The following LINGO1 variants were observed in gnomAD, a reference collection of about 807,000 sequenced individuals.
LINGO1 encodes the protein leucine rich repeat and Ig domain containing 1.
Under a neutral mutation model 37.3 loss-of-function variants are expected in LINGO1, and 11 were observed. The ratio of observed to expected loss-of-function variants is 0.29; its 90% CI spans 0.19 to 0.49. The LOEUF is 0.49. LINGO1 is among the 20% of genes least tolerant of loss of function. The pLI, the probability that LINGO1 is intolerant of heterozygous loss-of-function variation, is 0.99. For synonymous variants in LINGO1, 387 were observed against 403.0 expected, an observed-to-expected ratio of 0.96 and a Z score of 0.48; for missense variants, 585 against 878.2, an observed-to-expected ratio of 0.67 and a Z score of 4.22.
chr15:77,662,632 G>T (rs559592886), intron 3 of LINGO1, among the ~76,000 whole-genome samples: 1 of 152,146 alleles, frequency 6.6e-6, no homozygotes, highest in Admixed American at 6.5e-5. Flanking sequence ...TCCATGAAGG[G>T]CTGGTGGGTG....
chr15:77,711,900 G>T (rs74025396), intron 2 of LINGO1, among the ~76,000 whole-genome samples: 2,931 of 152,084 alleles, frequency 0.019, 102 homozygotes, highest in African/African-American at 0.068. Context: ...GGCACACAGC[G>T]ACATTCTGCA....
chr15:77,744,661 G>A (rs142313612), intron 1 of LINGO1, among the ~76,000 whole-genome samples: 5 of 152,348 alleles, frequency 3.3e-5, no homozygotes, highest in African/African-American at 4.8e-5. Context: ...TGTGAGCTAG[G>A]TTCTATCAGT....
At chr15:77,805,525 G>A (rs149130625) in intron 1 of LINGO1, among the ~76,000 whole-genome samples, 31 of 152,364 alleles carry the variant, frequency 2.0e-4, no homozygotes, top group Non-Finnish European at 3.8e-4. Flanking sequence ...GCAGGGCAGA[G>A]ACTGTGGCCT....
intron 3 of LINGO1, among the ~76,000 whole-genome samples, chr15:77,645,865 G>A (rs1217524369): frequency 1.3e-5 from 2 of 152,250 alleles, no homozygotes; most frequent in Admixed American, 6.5e-5. Flanking sequence ...TCACGAAGGG[G>A]ACAGCCCAGG....
intron 2 of LINGO1, among the ~76,000 whole-genome samples, chr15:77,689,129 G>A (rs558852308): frequency 1.1e-3 from 168 of 152,320 alleles, no homozygotes; most frequent in African/African-American, 3.8e-3. Flanking sequence ...AACAGGAACC[G>A]CAGGTGAAGG....
intron 1 of LINGO1, among the ~76,000 whole-genome samples, chr15:77,761,093 A>ATT (rs111468790): frequency 1.1e-4 from 16 of 140,702 alleles, no homozygotes; most frequent in African/African-American, 3.9e-4. Flanking sequence ...TGCCTGGCTA[A>ATT]TTTTTTTTTT....
At chr15:77,669,459 G>A (rs1409883772) in intron 3 of LINGO1, among the ~76,000 whole-genome samples, 1 of 152,202 alleles carries the variant, frequency 6.6e-6, no homozygotes, top group Non-Finnish European at 1.5e-5. Flanking sequence ...GTGAATGGCA[G>A]GGAAAACCGA....
chr15:77,715,662 A>G (rs1177679612), intron 2 of LINGO1, among the ~76,000 whole-genome samples: 3 of 152,234 alleles, frequency 2.0e-5, no homozygotes, highest in Non-Finnish European at 4.4e-5. Flanking sequence ...GTAGGTGCCT[A>G]CTAAACACTA....
intron 3 of LINGO1, among the ~76,000 whole-genome samples, chr15:77,647,105 G>T (rs890779062): frequency 6.6e-6 from 1 of 151,976 alleles, no homozygotes; most frequent in Non-Finnish European, 1.5e-5. Context: ...AGTGTGGGGT[G>T]GGGGGCTTGG....
intron 3 of LINGO1, among the ~76,000 whole-genome samples, chr15:77,640,176 ACACT>A (rs760265397): frequency 2.0e-5 from 3 of 152,220 alleles, no homozygotes; most frequent in East Asian, 1.9e-4. Context: ...GACTTGGGAG[ACACT>A]CACTCCTTTC....
At chr15:77,649,294 C>T (rs961877785) in intron 3 of LINGO1, 7 of 152,142 alleles carry the variant, frequency 4.6e-5, no homozygotes, top group Admixed American at 6.5e-5. Flanking sequence ...TGGGTGGTGA[C>T]GCCTGTATAC....
At chr15:77,672,000 G>GCCTCCTCCTCCTCCTCCTCCTCCT (rs10559337) in intron 3 of LINGO1, among the ~76,000 whole-genome samples, 42 of 145,642 alleles carry the variant, frequency 2.9e-4, no homozygotes, top group African/African-American at 1.1e-3. Flanking sequence ...ATGAGCCTCT[G>GCCTCCTCCTCCTCCTCCTCCTCCT]CCTCCTCCTC....
intron 2 of LINGO1, among the ~76,000 whole-genome samples, chr15:77,720,139 C>T (rs1174214245): frequency 7.2e-6 from 1 of 138,712 alleles, no homozygotes; most frequent in African/African-American, 2.5e-5. Flanking sequence ...CTACCACCAG[C>T]CCCACCCCAC....
At chr15:77,743,754 G>A (rs985461895) in intron 1 of LINGO1, among the ~76,000 whole-genome samples, 2 of 152,004 alleles carry the variant, frequency 1.3e-5, no homozygotes, top group Non-Finnish European at 2.9e-5. Flanking sequence ...TGCCTCCTAG[G>A]GAGAGGCAGG....
chr15:77,747,389 G>A (rs1162053539), intron 1 of LINGO1, among the ~76,000 whole-genome samples: 1 of 152,182 alleles, frequency 6.6e-6, no homozygotes, highest in Non-Finnish European at 1.5e-5. Context: ...AGCTCAGCAT[G>A]CCCAGGGACT....
At chr15:77,818,729 G>A (rs1186361705) in intron 1 of LINGO1, among the ~76,000 whole-genome samples, 3 of 152,088 alleles carry the variant, frequency 2.0e-5, no homozygotes, top group Non-Finnish European at 4.4e-5. Flanking sequence ...AGCTGTCCCC[G>A]CGCGGTCCTG....
At chr15:77,789,683 C>T (rs899107620), upstream of LINGO1, among the ~76,000 whole-genome samples, 9 of 152,226 alleles carry the variant, frequency 5.9e-5, no homozygotes, top group South Asian at 2.1e-4. Flanking sequence ...TAAAGAGACA[C>T]GGGGTAGCCA....
At chr15:77,761,208 G>A (rs1156566146) in intron 1 of LINGO1, among the ~76,000 whole-genome samples, 1 of 152,030 alleles carries the variant, frequency 6.6e-6, no homozygotes, top group African/African-American at 2.4e-5. Context: ...GGGATTACAG[G>A]TGTGAGCCAC....
At chr15:77,739,118 T>C (rs1025849838) in intron 1 of LINGO1, among the ~76,000 whole-genome samples, 1 of 152,230 alleles carries the variant, frequency 6.6e-6, no homozygotes. Context: ...GGAGGGAGCC[T>C]TGGGGGCGGC....
Sources: gnomAD v4.1 joint callset for allele counts (sites outside exome capture counted in the v4.1 genomes callset) on GRCh38, gnomAD v4.1.1 for gene constraint, MANE v1.5 for transcripts, NCBI Gene and HGNC (gene_info 2026-07-23, HGNC 2026-07-21) for gene names.